Variants in CAMK4 observed in about 807,000 individuals in gnomAD.
The protein encoded by CAMK4 is calcium/calmodulin dependent protein kinase IV, also known as calcium/calmodulin-dependent protein kinase type IV.
A neutral mutation model predicts 44.9 loss-of-function variants in CAMK4; 22 were observed. The ratio of observed to expected loss-of-function variants is 0.49; its 90% CI spans 0.35 to 0.70. CAMK4 has a LOEUF of 0.70. CAMK4 is among the 30% of genes least tolerant of loss of function. The pLI, the probability that CAMK4 is intolerant of heterozygous loss-of-function variation, is 0.01. For missense variants in CAMK4, 498 were observed against 586.8 expected (o/e 0.85, Z 1.56); for synonymous variants, 218 against 215.4 (o/e 1.01, Z -0.11).
chr5:111,433,246 A>C (rs1753526275), intron 5 of CAMK4, among the ~76,000 whole-genome samples: 1 of 152,218 alleles, frequency 6.6e-6, no homozygotes, highest in Non-Finnish European at 1.5e-5. Flanking sequence ...AAAGGTTTAA[A>C]AGGGCTTGAT....
Position 111,485,668 on chromosome 5 carries a change from A to G in CAMK4, c.*1202A>G, listed in dbSNP as rs531359497. The G allele has an allele frequency of 2.0e-5, 3 of 152,338 alleles. No individual in the cohort carries two copies. Among genetic ancestry groups the G allele is most frequent in the South Asian group, 2.1e-4 (1 of 4,832 alleles). The allele number at this position is 152,338 out of a possible 1,614,324, so 9.4% of individuals were successfully genotyped here. A position where few individuals can be genotyped will look rare whatever the true frequency, so the allele number is the denominator to read the frequency against. ...TGTAGTGTTGAGAATGTGGCTGCCAATAAATTTAGCACAATGCAATTTATT... is the reference window on the plus strand; with the variant it reads ...TGTAGTGTTGAGAATGTGGCTGCCAGTAAATTTAGCACAATGCAATTTATT... On this transcript the variant is annotated 3_prime_UTR_variant, in exon 11 of 11. Transcript: ENST00000282356.
intron 7 of CAMK4, among the ~76,000 whole-genome samples, chr5:111,462,066 T>C (rs1313698124): frequency 6.6e-6 from 1 of 152,184 alleles, no homozygotes; most frequent in Non-Finnish European, 1.5e-5. Context: ...ACTTGAGCCA[T>C]GCTCCAGCCA....
At chr5:111,294,361 C>A (rs943321873) in intron 1 of CAMK4, among the ~76,000 whole-genome samples, 7 of 152,146 alleles carry the variant, frequency 4.6e-5, no homozygotes, top group African/African-American at 1.7e-4. Context: ...TTGCGTAGTA[C>A]CCTCTAATTA....
At chr5:111,257,692 C>T (rs1303811266) in intron 1 of CAMK4, among the ~76,000 whole-genome samples, 1 of 152,182 alleles carries the variant, frequency 6.6e-6, no homozygotes, top group Non-Finnish European at 1.5e-5. Flanking sequence ...AAGATACATG[C>T]ACACGTATAT....
chr5:111,478,561 A>G lies in CAMK4; in HGVS notation c.828+54A>G, dbSNP rs973139486. 21 of 961,388 alleles carry G rather than the reference A, an allele frequency of 2.2e-5. No homozygotes were observed. The Admixed American group carries it at 4.3e-4, about 20-fold the overall frequency. The allele number at this position is 961,388 out of a possible 1,614,324, so 59.6% of individuals were successfully genotyped here. ...AAATGAAATAAATTTATTTTTAACT[A>G]ATTAATGGGAAGTACAATTTTTTAA... On this transcript the variant is annotated intron_variant, in intron 9 of 10. Coordinates refer to ENST00000282356, the MANE Select transcript of CAMK4 (RefSeq NM_001744.6).
intron 2 of CAMK4, among the ~76,000 whole-genome samples, chr5:111,360,334 C>T (rs1323352451): frequency 5.9e-5 from 9 of 152,054 alleles, no homozygotes. Context: ...CATGAAGAGG[C>T]CACATACCAG....
intron 2 of CAMK4, among the ~76,000 whole-genome samples, chr5:111,348,291 G>C (rs1749948962): frequency 6.6e-6 from 1 of 151,992 alleles, no homozygotes. Flanking sequence ...CTGGGTTTTA[G>C]TAGATGAATG....
rs1241362881 is a variant in CAMK4, at chr5:111,488,995, G to A, written c.*4529G>A. ...TTAGTCCATATTCTGATTTCCTTAT[G>A]TTCATCACTGATATGTTCCTGATCA... On this transcript the variant is annotated 3_prime_UTR_variant, in exon 11 of 11. Coordinates refer to ENST00000282356, the MANE Select transcript of CAMK4 (RefSeq NM_001744.6). 1 of 152,024 alleles carries A rather than the reference G, an allele frequency of 6.6e-6. No individual in the cohort carries two copies. Among genetic ancestry groups the A allele is most frequent in the Admixed American group, 6.6e-5 (1 of 15,252 alleles). The allele number at this position is 152,024 out of a possible 1,614,324, so 9.4% of individuals were successfully genotyped here.
At chr5:111,232,439 A>G (rs981712271) in intron 1 of CAMK4, among the ~76,000 whole-genome samples, 6 of 152,138 alleles carry the variant, frequency 3.9e-5, no homozygotes, top group African/African-American at 1.4e-4. Context: ...CAGATGGTAC[A>G]TTCTAAGAAG....
At chr5:111,474,613 C>T (rs1206277674) in intron 8 of CAMK4, among the ~76,000 whole-genome samples, 1 of 152,068 alleles carries the variant, frequency 6.6e-6, no homozygotes. Flanking sequence ...CAATTCAGTC[C>T]GTAGCAGAAT....
intron 4 of CAMK4, among the ~76,000 whole-genome samples, chr5:111,382,748 G>T (rs1185099418): frequency 6.6e-6 from 1 of 152,120 alleles, no homozygotes; most frequent in Non-Finnish European, 1.5e-5. Flanking sequence ...AATTAAATAA[G>T]ATTGGACTCA....
intron 4 of CAMK4, among the ~76,000 whole-genome samples, chr5:111,384,411 ACTT>A (rs756821728): frequency 1.5e-4 from 23 of 152,124 alleles, no homozygotes; most frequent in East Asian, 3.9e-4. Context: ...TTCCCTTTAA[ACTT>A]CTTCTACATT....
chr5:111,467,373 C>CAAAA (rs34201915), intron 7 of CAMK4, among the ~76,000 whole-genome samples: 131 of 49,420 alleles, frequency 2.7e-3, no homozygotes, highest in Middle Eastern at 0.025. Context: ...TTCTGCATAG[C>CAAAA]AAAAAAAAAA....
Position 111,375,124 on chromosome 5 carries a change from A to G in CAMK4, c.303+212A>G, listed in dbSNP as rs574406616. Among the ~76,000 whole-genome samples, 7 of 152,302 alleles carry G rather than the reference A, an allele frequency of 4.6e-5. No homozygotes were observed. The South Asian group carries it at 1.5e-3, about 32-fold the overall frequency. On this transcript the variant is annotated intron_variant, in intron 3 of 10. Coordinates refer to ENST00000282356, the MANE Select transcript of CAMK4 (RefSeq NM_001744.6). ...CTCTGAAAAAGTTCCAAAATAGACAAATTAGCAATATACGCCATCTTTATT... is the reference window on the plus strand; with the variant it reads ...CTCTGAAAAAGTTCCAAAATAGACAGATTAGCAATATACGCCATCTTTATT...
At chr5:111,447,172 CATAAAATATTTAGCACAT>C (rs1302852289) in intron 6 of CAMK4, among the ~76,000 whole-genome samples, 5 of 152,132 alleles carry the variant, frequency 3.3e-5, no homozygotes, top group African/African-American at 1.2e-4. Flanking sequence ...AGAACTTTGA[CATAAAATATTTAGCACAT>C]ATTAGTGAGT....
At chr5:111,396,764 C>T (rs1752028954) in intron 5 of CAMK4, among the ~76,000 whole-genome samples, 1 of 150,404 alleles carries the variant, frequency 6.6e-6, no homozygotes, top group South Asian at 2.1e-4. Context: ...CCTCAGCCTC[C>T]CAAGTAGCTG....
At chr5:111,455,754 TG>T (rs1754392209) in intron 7 of CAMK4, among the ~76,000 whole-genome samples, 1 of 152,224 alleles carries the variant, frequency 6.6e-6, no homozygotes, top group Admixed American at 6.5e-5. Flanking sequence ...TTGTTGTTGC[TG>T]TTGTGGTATT....
At chr5:111,225,003 T>G (rs896102591) in intron 1 of CAMK4, among the ~76,000 whole-genome samples, 2 of 152,124 alleles carry the variant, frequency 1.3e-5, no homozygotes, top group Non-Finnish European at 2.9e-5. Flanking sequence ...TGTCTAGTTA[T>G]TGTTTAGGGT....
intron 2 of CAMK4, among the ~76,000 whole-genome samples, chr5:111,368,607 T>C (rs988858419): frequency 3.3e-5 from 5 of 152,160 alleles, no homozygotes; most frequent in African/African-American, 1.2e-4. Context: ...CTGGGAAGGA[T>C]TTCCTGGCTT....
Sources: gnomAD v4.1 joint callset for allele counts (sites outside exome capture counted in the v4.1 genomes callset) on GRCh38, gnomAD v4.1.1 for gene constraint, MANE v1.5 for transcripts, NCBI Gene and HGNC (gene_info 2026-07-23, HGNC 2026-07-21) for gene names.